The following ADGRB2 variants were observed in gnomAD, a reference collection of about 807,000 sequenced individuals.
The protein encoded by ADGRB2 is adhesion G protein-coupled receptor B2, also known as brain-specific angiogenesis inhibitor 2.
Under a neutral mutation model 178.7 loss-of-function variants are expected in ADGRB2, and 47 were observed. The observed-to-expected ratio is 0.26, with a 90% CI of 0.21 to 0.34. The LOEUF (loss-of-function observed/expected upper bound fraction) is 0.34. Among genes scored for constraint, ADGRB2 ranks in the 10% least tolerant of loss-of-function variants. The pLI is 1.00. For synonymous variants in ADGRB2, 870 were observed against 912.4 expected, an observed-to-expected ratio of 0.95 and a Z score of 0.84; for missense variants, 1,584 against 2,180.8, an observed-to-expected ratio of 0.73 and a Z score of 5.45.
In ADGRB2 at chr1:31,732,154, A is replaced by G; in HGVS notation, c.3721T>C (p.Ser1241Pro). The G allele has an allele frequency of 6.2e-7, 1 of 1,614,062 alleles. No homozygotes were observed. Among genetic ancestry groups the G allele is most frequent in the Non-Finnish European group, 8.5e-7 (1 of 1,179,952 alleles). ...AGATCCACATCCTTTTCAAAGTCTGACTATAGGCAGAAAGGGAGGGGCAGG... is the reference window on the plus strand; with the variant it reads ...AGATCCACATCCTTTTCAAAGTCTGGCTATAGGCAGAAAGGGAGGGGCAGG... ...SCKNGQLQIL[S>P]DFEKDVDLAC... Residue 1241 changes from serine to proline, a missense_variant and splice_region_variant, in exon 28 of 33, where the codon TCA (serine) becomes CCA (proline). Around this residue, in one of 3 missense-constraint regions of ADGRB2, gnomAD observed 865 missense variants for 1,192.8 expected, o/e 0.73. Coordinates refer to ENST00000373658, the MANE Select transcript of ADGRB2 (RefSeq NM_001364857.2).
At chr1:31,730,527 G>A (rs886117820) in intron 29 of ADGRB2, among the ~76,000 whole-genome samples, 7 of 152,150 alleles carry the variant, frequency 4.6e-5, no homozygotes, top group African/African-American at 1.7e-4. Context: ...CCTGAAATGA[G>A]GACTCATCCT....
chr1:31,763,164 G>T (rs1028412890), intron 1 of ADGRB2, among the ~76,000 whole-genome samples: 2 of 152,070 alleles, frequency 1.3e-5, no homozygotes, highest in African/African-American at 4.8e-5. Flanking sequence ...CAGGGATGCG[G>T]GTCCAGTCGG....
intron 28 of ADGRB2, 32 bp downstream of exon 28, chr1:31,732,083 G>C (rs1395425212): frequency 6.2e-7 from 1 of 1,613,724 alleles, no homozygotes; most frequent in Non-Finnish European, 8.5e-7. Flanking sequence ...CCAACCCCAG[G>C]ACCATTCTCA....
rs1164999190 is a variant in ADGRB2, at chr1:31,756,861, T to C, written c.22-46A>G. 1 of 1,441,168 alleles carries C rather than the reference T, an allele frequency of 6.9e-7. No individual in the cohort carries two copies. 89.3% of individuals were successfully genotyped at this position (1,441,168 alleles called of 1,614,324 possible). On this transcript the variant is annotated intron_variant, in intron 3 of 32. Transcript: ENST00000373658. This position sits in a 1 kb window ranked among gnomAD's most constrained non-coding sequence, Gnocchi z 8.5. Reference sequence around the variant, plus strand: ...CAGCGGGCCCCCAGCACAGCCAGCATGGGCTCTGAACCTTCTATGGTGAGC... The same window carrying C: ...CAGCGGGCCCCCAGCACAGCCAGCACGGGCTCTGAACCTTCTATGGTGAGC...
In ADGRB2 at chr1:31,742,129, G is replaced by C. The variant is rs530331422; in HGVS notation, c.1341C>G (p.Ser447Arg). The change falls in exon 8 of 33, where the codon AGC (serine) becomes AGG (arginine). Residue 447 changes from serine (S) to arginine (R), a missense_variant. Ser to Arg is a moderately radical substitution (Grantham distance 110). This residue lies in a region of ADGRB2 where 657 missense variants were observed against 847.6 expected (regional missense o/e 0.78). Transcript: ENST00000373658. ...ATGTGGCCCAGGCTGGGCCCGCCACGCTGCACTTCCGGCTGCGCTGTTGGG... is the reference window on the plus strand; with the variant it reads ...ATGTGGCCCAGGCTGGGCCCGCCACCCTGCACTTCCGGCTGCGCTGTTGGG... ...NGTQQRSRKCSVAGPAWATCT... is the reference protein window; with the variant it reads ...NGTQQRSRKCRVAGPAWATCT... 1 of 1,613,560 alleles carries C rather than the reference G, an allele frequency of 6.2e-7. No individual in the cohort carries two copies. Among genetic ancestry groups the C allele is most frequent in the Admixed American group, 1.7e-5 (1 of 60,002 alleles).
At position 31,728,663 on chromosome 1, in the gene ADGRB2, G is replaced by A. The variant is rs760543676; in HGVS notation, c.4381-30C>T. 4 of 1,613,514 alleles carry A rather than the reference G, an allele frequency of 2.5e-6. No individual in the cohort carries two copies. The highest frequency in any genetic ancestry group is 2.5e-6 in the Non-Finnish European group (3 of 1,179,604). On this transcript the variant is annotated intron_variant, in intron 29 of 32. Coordinates refer to ENST00000373658, the MANE Select transcript of ADGRB2 (RefSeq NM_001364857.2). The surrounding 1 kb of genome is among the most constrained non-coding windows in gnomAD (Gnocchi z 6.7). ...GAAGGAGCAACAAGGAGGCAATGGA[G>A]GAGAAGAAAGCTTTTTACCACCGGC... is the stretch of plus-strand genomic sequence containing the variant.
intron 1 of ADGRB2, among the ~76,000 whole-genome samples, chr1:31,762,688 TG>T (rs1324745335): frequency 8.0e-6 from 1 of 124,694 alleles, no homozygotes; most frequent in Non-Finnish European, 1.6e-5. Context: ...AGGAGGCACC[TG>T]GCCTGGCCCA....
chr1:31,760,181 T>A (rs1646997571), intron 1 of ADGRB2, among the ~76,000 whole-genome samples: 1 of 152,022 alleles, frequency 6.6e-6, no homozygotes, highest in African/African-American at 2.4e-5. Flanking sequence ...GGTACTAAAG[T>A]CAGCTCTGAG....
In ADGRB2 at chr1:31,728,803, A is replaced by ACACACACACACACACAC. The variant is rs1645128108; in HGVS notation, c.4381-171_4381-170insGTGTGTGTGTGTGTGTG. Among the ~76,000 whole-genome samples the ACACACACACACACACAC allele has an allele frequency of 8.7e-6, 1 of 115,436 alleles. No homozygotes were observed. The highest frequency in any genetic ancestry group is 1.8e-5 in the Non-Finnish European group (1 of 54,906). 75.7% of individuals were successfully genotyped at this position (115,436 alleles called of 152,430 possible). A position where few individuals can be genotyped will look rare whatever the true frequency, so the allele number is the denominator to read the frequency against. On this transcript the variant is annotated intron_variant, in intron 29 of 32. Coordinates refer to ENST00000373658, the MANE Select transcript of ADGRB2 (RefSeq NM_001364857.2). The surrounding 1 kb of genome is among the most constrained non-coding windows in gnomAD (Gnocchi z 6.7). ...TGGGGCAGCTTTTCAGGCCTCACTG[A>ACACACACACACACACAC]ACACACACACACACACACACACACA... is the stretch of plus-strand genomic sequence containing the variant.
chr1:31,764,182 C>T lies in ADGRB2; in HGVS notation c.-489G>A, dbSNP rs1647136166. 1 of 389,546 alleles carries T rather than the reference C, an allele frequency of 2.6e-6. No individual in the cohort carries two copies. The allele number at this position is 389,546 out of a possible 1,614,324, so 24.1% of individuals were successfully genotyped here. A position where few individuals can be genotyped will look rare whatever the true frequency, so the allele number is the denominator to read the frequency against. ...GCTCCCCCGCCCCGAGCACCGCCCG[C>T]GCCGCGCGCCGCCTCCTATTTGCGG... On this transcript the variant is annotated 5_prime_UTR_variant, in exon 1 of 33. Transcript: ENST00000373658. This position sits in a 1 kb window ranked among gnomAD's most constrained non-coding sequence, Gnocchi z 7.3.
Position 31,744,071 on chromosome 1 carries a change from G to C in ADGRB2, c.1087+122C>G, listed in dbSNP as rs1646139248. ...TACGCAGAGTTGGGCATGGTGTGGG[G>C]AACAGCCACATTTGTTGAATGAAAG... is the stretch of plus-strand genomic sequence containing the variant. On this transcript the variant is annotated intron_variant, in intron 6 of 32. Coordinates refer to ENST00000373658, the MANE Select transcript of ADGRB2 (RefSeq NM_001364857.2). This position sits in a 1 kb window ranked among gnomAD's most constrained non-coding sequence, Gnocchi z 6.7. 1 of 1,284,516 alleles carries C rather than the reference G, an allele frequency of 7.8e-7. No homozygotes were observed. The highest frequency in any genetic ancestry group is 1.1e-6 in the Non-Finnish European group (1 of 949,906). 79.6% of individuals were successfully genotyped at this position (1,284,516 alleles called of 1,614,324 possible). A position where few individuals can be genotyped will look rare whatever the true frequency, so the allele number is the denominator to read the frequency against.
chr1:31,744,335 C>G lies in ADGRB2; in HGVS notation c.945G>C (p.Trp315Cys). 2 of 1,550,912 alleles carry G rather than the reference C, an allele frequency of 1.3e-6. No homozygotes were observed. The highest frequency in any genetic ancestry group is 1.7e-6 in the Non-Finnish European group (2 of 1,146,882). The change falls in exon 6 of 33, where the codon TGG becomes TGC. Residue 315 changes from tryptophan to cysteine, a missense_variant. Coordinates refer to ENST00000373658, the MANE Select transcript of ADGRB2 (RefSeq NM_001364857.2). This position sits in a 1 kb window ranked among gnomAD's most constrained non-coding sequence, Gnocchi z 6.7. Reference sequence around the variant, plus strand: ...TCAGGGAACACACGCTCCACGGGGACCACTCCTCAGCCGCCGGGTCGCCTA... The same window carrying G: ...TCAGGGAACACACGCTCCACGGGGAGCACTCCTCAGCCGCCGGGTCGCCTA... Reference protein sequence around the residue: ...AQTGDPAAEEWSPWSVCSLTC... With the variant: ...AQTGDPAAEECSPWSVCSLTC...
chr1:31,735,651 G>T lies in ADGRB2; in HGVS notation c.3282C>A (p.Ile1094=), dbSNP rs532775187. Residue 1094 remains isoleucine, a synonymous_variant, in exon 24 of 33, where the codon ATC becomes ATA. Coordinates refer to ENST00000373658, the MANE Select transcript of ADGRB2 (RefSeq NM_001364857.2). This position sits in a 1 kb window ranked among gnomAD's most constrained non-coding sequence, Gnocchi z 6.0. ...TGAGCTTGTTGAAGACGATGATTCC[G>T]ATGAGCATGTTCACCTGGGGGCCCA... ...AAVIVLVNML[I]GIIVFNKLMA... 1.2e-6 allele frequency: 2 copies of T among 1,602,142 alleles called. No individual in the cohort carries two copies. Among genetic ancestry groups the T allele is most frequent in the South Asian group, 1.1e-5 (1 of 89,778 alleles).
intron 16 of ADGRB2, 70 bp from the exon 17 acceptor site, chr1:31,738,700 T>C (rs1645765825): frequency 6.2e-7 from 1 of 1,601,824 alleles, no homozygotes; most frequent in Admixed American, 1.7e-5. Flanking sequence ...GCCCATGCCA[T>C]GGGGGCCACA....
In ADGRB2 at chr1:31,740,468, T is replaced by C. The variant is rs1252384239; in HGVS notation, c.1868A>G (p.Gln623Arg). Reference protein sequence around the residue: ...EGMSQVVRSLQELLARRTYYS... With the variant: ...EGMSQVVRSLRELLARRTYYS... ...GTAGGTGCGCCGGGCCAGTAGCTCC[T>C]GCAGGCTGCGCACCACCTGCGACAT... is the stretch of plus-strand genomic sequence containing the variant. The change falls in exon 12 of 33, where the codon CAG (glutamine) becomes CGG (arginine). Residue 623 changes from glutamine to arginine, a missense_variant. Gln to Arg is a conservative substitution (Grantham distance 43). Transcript: ENST00000373658. This position sits in a 1 kb window ranked among gnomAD's most constrained non-coding sequence, Gnocchi z 5.9. 2 of 1,613,440 alleles carry C rather than the reference T, an allele frequency of 1.2e-6. No individual in the cohort carries two copies. The highest frequency in any genetic ancestry group is 8.5e-7 in the Non-Finnish European group (1 of 1,179,902).
rs528999962 is a variant in ADGRB2 at position 31,733,497 on chromosome 1, C to A, written c.3453-354G>T. 6.6e-6 allele frequency among the ~76,000 whole-genome samples: 1 copy of A among 152,138 alleles called. No homozygotes were observed. On this transcript the variant is annotated intron_variant, in intron 25 of 32. Transcript: ENST00000373658. This position sits in a 1 kb window ranked among gnomAD's most constrained non-coding sequence, Gnocchi z 4.3. ...GGAGCTTTTTAAAAATGCACGGGGC[C>A]GGGACGGCATCCCCAGAGCCTAACT...
At position 31,735,119 on chromosome 1, in the gene ADGRB2, G is replaced by T. The variant is rs1414281612; in HGVS notation, c.3452+64C>A. On this transcript the variant is annotated intron_variant, in intron 25 of 32. Coordinates refer to ENST00000373658, the MANE Select transcript of ADGRB2 (RefSeq NM_001364857.2). This position sits in a 1 kb window ranked among gnomAD's most constrained non-coding sequence, Gnocchi z 6.0. ...ATCCCTCCTCCTCCCCCCACCATGG[G>T]CACTGCCCCCCCCAATTCCTTTGCC... is the stretch of plus-strand genomic sequence containing the variant. 4 of 1,075,618 alleles carry T rather than the reference G, an allele frequency of 3.7e-6. No individual in the cohort carries two copies. The highest frequency in any genetic ancestry group is 3.8e-6 in the Non-Finnish European group (3 of 792,424). 66.6% of individuals were successfully genotyped at this position (1,075,618 alleles called of 1,614,324 possible).
chr1:31,748,441 G>A (rs1405295275), intron 4 of ADGRB2, among the ~76,000 whole-genome samples: 1 of 152,234 alleles, frequency 6.6e-6, no homozygotes, highest in Non-Finnish European at 1.5e-5. Flanking sequence ...TCCCTGGAGG[G>A]GGAAGAAGAC....
chr1:31,763,732 G>A (rs1647118455), intron 1 of ADGRB2, among the ~76,000 whole-genome samples, 152 bp downstream of exon 1: 1 of 151,962 alleles, frequency 6.6e-6, no homozygotes, highest in Admixed American at 6.5e-5. Context: ...ATGGGGGTGG[G>A]CGAACGCTGA....
Sources: allele counts gnomAD v4.1 joint callset (sites outside exome capture counted in the v4.1 genomes callset), GRCh38; gene constraint gnomAD v4.1.1; regional missense constraint gnomAD v4.1.1; non-coding constraint Gnocchi (gnomAD v3.1); transcripts MANE v1.5; gene names NCBI Gene and HGNC (gene_info 2026-07-23, HGNC 2026-07-21).